The following PIK3CG variants were observed in gnomAD, a reference collection of about 807,000 sequenced individuals.
PIK3CG encodes the protein phosphatidylinositol-4,5-bisphosphate 3-kinase catalytic subunit gamma.
In PIK3CG, 55 loss-of-function variants were observed where a neutral mutation model predicts 102.3. That is an observed-to-expected ratio of 0.54 (90% CI 0.43 to 0.67). PIK3CG has a LOEUF of 0.67. Ranked by LOEUF, PIK3CG falls within the 30% of genes least tolerant of loss-of-function variation. PIK3CG has a pLI of 0.00. For missense variants in PIK3CG, 1,258 were observed against 1,391.8 expected (o/e 0.90, Z 1.53); for synonymous variants, 552 against 540.0 (o/e 1.02, Z -0.31).
chr7:106,882,036 G>C (rs1223515721), intron 6 of PIK3CG, 81 bp from the exon 7 acceptor site: 2 of 482,420 alleles, frequency 4.1e-6, no homozygotes, highest in African/African-American at 4.0e-5. Context: ...TACTAGATAT[G>C]ATTGCTATTT....
chr7:106,907,863 T>A lies in PIK3CG; in HGVS notation c.*2476T>A, dbSNP rs574063222. 3.5e-5 allele frequency among the ~76,000 whole-genome samples: 5 copies of A among 141,276 alleles called. No homozygotes were observed. In the East Asian group the frequency reaches 6.3e-4, roughly 18 times the overall value. 92.7% of individuals were successfully genotyped at this position (141,276 alleles called of 152,430 possible). On this transcript the variant is annotated 3_prime_UTR_variant, in exon 11 of 11. Transcript: ENST00000496166. The stretch of plus-strand genomic sequence containing the variant: ...GTATATATATATATATATATCACAG[T>A]TGGGCTTGATTCTTCCGTATTCCAA...
In PIK3CG at chr7:106,893,596, A is replaced by C. The variant is rs1372663411; in HGVS notation, c.3030+7304A>C. 6.6e-6 allele frequency among the ~76,000 whole-genome samples: 1 copy of C among 152,204 alleles called. No individual in the cohort carries two copies. Among genetic ancestry groups the C allele is most frequent in the Non-Finnish European group, 1.5e-5 (1 of 68,026 alleles). ...CTCTCTATTAAGATCTTCTTGTGAA[A>C]ATTCTACTGGTCTCAGTTTCTAGAA... On this transcript the variant is annotated intron_variant, in intron 10 of 10. Coordinates refer to ENST00000496166, the MANE Select transcript of PIK3CG (RefSeq NM_001282426.2). This position sits in a 1 kb window ranked among gnomAD's most constrained non-coding sequence, Gnocchi z 4.4.
rs1383859087 is a variant in PIK3CG, at chr7:106,893,437, G to T, written c.3030+7145G>T. Reference sequence around the variant, plus strand: ...AAATTTAAATTACTATTCTGGAAAAGATACGAATCCAAAACTGGAAAGATA... The same window carrying T: ...AAATTTAAATTACTATTCTGGAAAATATACGAATCCAAAACTGGAAAGATA... On this transcript the variant is annotated intron_variant, in intron 10 of 10. Coordinates refer to ENST00000496166, the MANE Select transcript of PIK3CG (RefSeq NM_001282426.2). The surrounding 1 kb of genome is among the most constrained non-coding windows in gnomAD (Gnocchi z 4.4). Among the ~76,000 whole-genome samples, 1 of 152,118 alleles carries T rather than the reference G, an allele frequency of 6.6e-6. No homozygotes were observed. The highest frequency in any genetic ancestry group is 6.5e-5 in the Admixed American group (1 of 15,280).
intron 10 of PIK3CG, among the ~76,000 whole-genome samples, chr7:106,896,022 A>G (rs1002964568): frequency 1.3e-5 from 2 of 152,228 alleles, no homozygotes; most frequent in Admixed American, 1.3e-4. Flanking sequence ...CAAGCATGGG[A>G]CGTGCAGTTA....
Position 106,872,907 on chromosome 7 carries a change from C to T in PIK3CG, c.2256C>T (p.Leu752=), listed in dbSNP as rs764110344. 1.2e-6 allele frequency: 2 copies of T among 1,613,988 alleles called. No individual in the cohort carries two copies. Among genetic ancestry groups the T allele is most frequent in the Non-Finnish European group, 1.7e-6 (2 of 1,179,862 alleles). ...AAGTCACCCTTGATATTAAATCGCT[C>T]TCTGCTGAAAAGTATGACGTCAGTT... ...LQKVTLDIKS[L]SAEKYDVSSQ... Residue 752 remains leucine (L), a synonymous_variant, in exon 4 of 11, where the codon CTC becomes CTT. Coordinates refer to ENST00000496166, the MANE Select transcript of PIK3CG (RefSeq NM_001282426.2). This position sits in a 1 kb window ranked among gnomAD's most constrained non-coding sequence, Gnocchi z 5.3.
At position 106,893,641 on chromosome 7, in the gene PIK3CG, T is replaced by C. The variant is rs924121148; in HGVS notation, c.3030+7349T>C. Reference sequence around the variant, plus strand: ...CTAGAAAAGCTGTGCTTCTCCTAAATAGAGATGTTTTCTTTTAAATTTTCT... The same window carrying C: ...CTAGAAAAGCTGTGCTTCTCCTAAACAGAGATGTTTTCTTTTAAATTTTCT... On this transcript the variant is annotated intron_variant, in intron 10 of 10. Coordinates refer to ENST00000496166, the MANE Select transcript of PIK3CG (RefSeq NM_001282426.2). The surrounding 1 kb of genome is among the most constrained non-coding windows in gnomAD (Gnocchi z 4.4). Among the ~76,000 whole-genome samples, 1 of 152,224 alleles carries C rather than the reference T, an allele frequency of 6.6e-6. No individual in the cohort carries two copies. Among genetic ancestry groups the C allele is most frequent in the African/African-American group, 2.4e-5 (1 of 41,450 alleles).
chr7:106,900,092 T>G (rs966121115), intron 10 of PIK3CG, among the ~76,000 whole-genome samples: 4 of 152,168 alleles, frequency 2.6e-5, no homozygotes, highest in Non-Finnish European at 4.4e-5. Flanking sequence ...GGAGGGTGTA[T>G]GTGTCCAGGA....
Position 106,905,320 on chromosome 7 carries a change from C to G in PIK3CG, c.3242C>G (p.Thr1081Ser). Reference sequence around the variant, plus strand: ...GAAGTTTGCAGAGACAAAGGATGGACTGTGCAGTTTAATTGGTTTCTACAT... The same window carrying G: ...GAAGTTTGCAGAGACAAAGGATGGAGTGTGCAGTTTAATTGGTTTCTACAT... The part of the protein sequence containing the change: ...QIEVCRDKGW[T>S]VQFNWFLHLV... Residue 1081 changes from threonine to serine, a missense_variant, in exon 11 of 11, where the codon ACT (threonine) becomes AGT (serine). Physicochemically the swap from Thr to Ser is moderately conservative, Grantham distance 58. This residue lies in a region of PIK3CG where 426 missense variants were observed against 604.2 expected (regional missense o/e 0.71). Coordinates refer to ENST00000496166, the MANE Select transcript of PIK3CG (RefSeq NM_001282426.2). This position sits in a 1 kb window ranked among gnomAD's most constrained non-coding sequence, Gnocchi z 5.6. 1 of 1,614,004 alleles carries G rather than the reference C, an allele frequency of 6.2e-7. No homozygotes were observed. The highest frequency in any genetic ancestry group is 8.5e-7 in the Non-Finnish European group (1 of 1,179,930).
rs532978062 is a variant in PIK3CG at position 106,868,555 on chromosome 7, G to C, written c.994G>C (p.Val332Leu). Reference sequence around the variant, plus strand: ...GCCACTGGTGGATGACTGCACGGGAGTCACCGGCTACCATGAGCAGCTTAC... The same window carrying C: ...GCCACTGGTGGATGACTGCACGGGACTCACCGGCTACCATGAGCAGCTTAC... ...EWPLVDDCTG[V>L]TGYHEQLTIH... The change falls in exon 2 of 11, where the codon GTC (valine) becomes CTC (leucine). Residue 332 changes from valine (V) to leucine (L), a missense_variant. Physicochemically the swap from Val to Leu is conservative, Grantham distance 32. Around this residue, in one of 2 missense-constraint regions of PIK3CG, gnomAD observed 832 missense variants for 787.5 expected, o/e 1.06. Coordinates refer to ENST00000496166, the MANE Select transcript of PIK3CG (RefSeq NM_001282426.2). This position sits in a 1 kb window ranked among gnomAD's most constrained non-coding sequence, Gnocchi z 6.2. 1.7e-5 allele frequency: 27 copies of C among 1,614,134 alleles called. No homozygotes were observed. The East Asian group carries it at 5.6e-4, about 33-fold the overall frequency.
intron 7 of PIK3CG, 114 bp from the exon 8 acceptor site, chr7:106,882,917 CAA>C (rs552794683): frequency 0.052 from 20,960 of 400,026 alleles, no homozygotes; most frequent in South Asian, 0.085. Context: ...GCTCTCTGGT[CAA>C]AAAAAAAAAA....
At chr7:106,882,979 C>G (rs1198544507) in intron 7 of PIK3CG, 54 bp from the exon 8 acceptor site, 1 of 1,524,352 alleles carries the variant, frequency 6.6e-7, no homozygotes, top group Non-Finnish European at 9.0e-7. Context: ...CTTTCCTCCT[C>G]TGGGCCAGGT....
rs1311106329 is a variant in PIK3CG, at chr7:106,890,312, G to T, written c.3030+4020G>T. On this transcript the variant is annotated intron_variant, in intron 10 of 10. Coordinates refer to ENST00000496166, the MANE Select transcript of PIK3CG (RefSeq NM_001282426.2). The surrounding 1 kb of genome is among the most constrained non-coding windows in gnomAD (Gnocchi z 4.2). ...CTCTCCTGCCTCAGCCTTCCAAGTAGCTGGGACTACAGGCGCCTGCCACCA... is the reference window on the plus strand; with the variant it reads ...CTCTCCTGCCTCAGCCTTCCAAGTATCTGGGACTACAGGCGCCTGCCACCA... 6.6e-6 allele frequency among the ~76,000 whole-genome samples: 1 copy of T among 152,122 alleles called. No individual in the cohort carries two copies. The highest frequency in any genetic ancestry group is 1.5e-5 in the Non-Finnish European group (1 of 68,032).
intron 10 of PIK3CG, among the ~76,000 whole-genome samples, chr7:106,901,263 C>G (rs1481981751): frequency 6.8e-6 from 1 of 146,262 alleles, no homozygotes; most frequent in Non-Finnish European, 1.5e-5. Context: ...TCTTTTTTTT[C>G]TTTTTTCTTT....
At chr7:106,896,478 T>C (rs1414639589) in intron 10 of PIK3CG, among the ~76,000 whole-genome samples, 1 of 152,228 alleles carries the variant, frequency 6.6e-6, no homozygotes, top group Non-Finnish European at 1.5e-5. Context: ...TTAATGAGGC[T>C]GTTGCCTGGG....
rs1790453368 is a variant in PIK3CG, at chr7:106,869,370, T to G, written c.1809T>G (p.Ile603Met). Residue 603 changes from isoleucine (I) to methionine (M), a missense_variant, in exon 2 of 11, where the codon ATT (isoleucine) becomes ATG (methionine). By Grantham distance (10) the Ile-to-Met change is conservative (BLOSUM62 1). This residue lies in a region of PIK3CG where 426 missense variants were observed against 604.2 expected (regional missense o/e 0.71). Coordinates refer to ENST00000496166, the MANE Select transcript of PIK3CG (RefSeq NM_001282426.2). The surrounding 1 kb of genome is among the most constrained non-coding windows in gnomAD (Gnocchi z 5.3). ...FSSVKWGQQE[I>M]VAKTYQLLAR... ...CAGTGAAATGGGGACAGCAAGAAAT[T>G]GTGGCCAAAACATACCAATTGTTGG... 1 of 1,614,064 alleles carries G rather than the reference T, an allele frequency of 6.2e-7. No individual in the cohort carries two copies. The highest frequency in any genetic ancestry group is 8.5e-7 in the Non-Finnish European group (1 of 1,180,038).
chr7:106,870,057 C>G (rs563779997), intron 2 of PIK3CG, among the ~76,000 whole-genome samples: 12 of 152,324 alleles, frequency 7.9e-5, no homozygotes, highest in Middle Eastern at 3.4e-3. Flanking sequence ...CAGGAGGTCT[C>G]CCTCCAGATC....
Position 106,874,111 on chromosome 7 carries a change from A to G in PIK3CG, c.2288-589A>G, listed in dbSNP as rs1790636430. Reference sequence around the variant, plus strand: ...CCTAAAAATGATGATGGTAATAATAATATTTTATTTGCATTTTAAGAAAGG... The same window carrying G: ...CCTAAAAATGATGATGGTAATAATAGTATTTTATTTGCATTTTAAGAAAGG... On this transcript the variant is annotated intron_variant, in intron 4 of 10. Coordinates refer to ENST00000496166, the MANE Select transcript of PIK3CG (RefSeq NM_001282426.2). The surrounding 1 kb of genome is among the most constrained non-coding windows in gnomAD (Gnocchi z 4.3). Among the ~76,000 whole-genome samples, 1 of 152,126 alleles carries G rather than the reference A, an allele frequency of 6.6e-6. No homozygotes were observed. Among genetic ancestry groups the G allele is most frequent in the African/African-American group, 2.4e-5 (1 of 41,430 alleles).
In PIK3CG at chr7:106,893,910, GTTAC is replaced by G. The variant is rs1584344110; in HGVS notation, c.3030+7624_3030+7627del. Among the ~76,000 whole-genome samples the G allele has an allele frequency of 6.6e-6, 1 of 152,200 alleles. No individual in the cohort carries two copies. The highest frequency in any genetic ancestry group is 1.5e-5 in the Non-Finnish European group (1 of 68,038). On this transcript the variant is annotated intron_variant, in intron 10 of 10. Transcript: ENST00000496166. The surrounding 1 kb of genome is among the most constrained non-coding windows in gnomAD (Gnocchi z 4.4). Reference sequence around the variant, plus strand: ...CCCAGGCTCCAAACCTGTACAGCATGTTACTTACTGAATACTGTAGGCAGTTGTG... The same window carrying G: ...CCCAGGCTCCAAACCTGTACAGCATGTTACTGAATACTGTAGGCAGTTGTG...
At chr7:106,865,569 A>G (rs754236200) in intron 1 of PIK3CG, 143 bp downstream of exon 1, 4 of 152,142 alleles carry the variant, frequency 2.6e-5, no homozygotes, top group Non-Finnish European at 5.9e-5. Context: ...GTCTAGTCCA[A>G]CCTGTATTGT....
Sources: allele counts gnomAD v4.1 joint callset (sites outside exome capture counted in the v4.1 genomes callset), GRCh38; gene constraint gnomAD v4.1.1; regional missense constraint gnomAD v4.1.1; non-coding constraint Gnocchi (gnomAD v3.1); transcripts MANE v1.5; gene names NCBI Gene and HGNC (gene_info 2026-07-23, HGNC 2026-07-21).